The following FGFRL1 variants were observed in gnomAD, a reference collection of about 807,000 sequenced individuals.
FGFRL1 encodes fibroblast growth factor receptor-like 1.
A neutral mutation model predicts 36.8 loss-of-function variants in FGFRL1; 24 were observed. That is an observed-to-expected ratio of 0.65 (90% CI 0.47 to 0.92). The LOEUF (loss-of-function observed/expected upper bound fraction) is 0.92. Ranked by LOEUF, FGFRL1 falls within the 40% of genes least tolerant of loss-of-function variation. The pLI is 0.00. For synonymous variants in FGFRL1, 422 were observed against 344.1 expected, an observed-to-expected ratio of 1.23 and a Z score of -2.50; for missense variants, 785 against 753.4, an observed-to-expected ratio of 1.04 and a Z score of -0.49.
rs1262737200 is a variant in FGFRL1 at position 1,025,835 on chromosome 4, C to A, written c.*488C>A. 3 of 190,092 alleles carry A rather than the reference C, an allele frequency of 1.6e-5. No individual in the cohort carries two copies. The highest frequency in any genetic ancestry group is 2.1e-4 in the South Asian group (2 of 9,542). 11.8% of individuals were successfully genotyped at this position (190,092 alleles called of 1,614,324 possible). A position where few individuals can be genotyped will look rare whatever the true frequency, so the allele number is the denominator to read the frequency against. On this transcript the variant is annotated 3_prime_UTR_variant, in exon 7 of 7. Transcript: ENST00000510644. ...CTGCCTGGACACACAGATAATGCTG[C>A]CTTGACACACACATGCACGGATATT...
In FGFRL1 at chr4:1,025,089, G is replaced by A. The variant is rs754631527; in HGVS notation, c.1257G>A (p.Pro419=). 5.5e-5 allele frequency: 89 copies of A among 1,609,930 alleles called. 1 individual carries two copies. The highest frequency in any genetic ancestry group is 4.4e-4 in the South Asian group (40 of 90,872). Reference sequence around the variant, plus strand: ...CCCCTCCCCTGCCTGGGCACCGCCCGCCGGGGACGGCCCGCGACCGCAGCG... The same window carrying A: ...CCCCTCCCCTGCCTGGGCACCGCCCACCGGGGACGGCCCGCGACCGCAGCG... ...APAPPLPGHR[P]PGTARDRSGD... The change falls in exon 7 of 7, where the codon CCG becomes CCA. Residue 419 remains proline (P), a synonymous_variant. Coordinates refer to ENST00000510644, the MANE Select transcript of FGFRL1 (RefSeq NM_001004356.3).
chr4:1,019,847 T>C (rs1159265740), intron 2 of FGFRL1, among the ~76,000 whole-genome samples: 3 of 152,154 alleles, frequency 2.0e-5, no homozygotes, highest in Non-Finnish European at 4.4e-5. Context: ...GGCCAAGGAC[T>C]GGGATGGGCC....
upstream of FGFRL1, among the ~76,000 whole-genome samples, chr4:1,011,623 G>C (rs1302512442): frequency 7.0e-6 from 1 of 143,146 alleles, no homozygotes; most frequent in African/African-American, 2.5e-5. Context: ...CGCTCGCTCC[G>C]GGAGAGTTGA....
rs775168543 is a variant in FGFRL1 at position 1,025,290 on chromosome 4, TCA to T, written c.1466_1467del (p.His489LeufsTer62). 12 of 1,569,526 alleles carry T rather than the reference TCA, an allele frequency of 7.6e-6. No homozygotes were observed. Among genetic ancestry groups the T allele is most frequent in the African/African-American group, 4.1e-5 (3 of 73,324 alleles). ...TCCACACACACACACACACACACTC[TCA>T]CACACACTCACACGTGGAGGGCAAG... is the stretch of plus-strand genomic sequence containing the variant. ...DIHTHTHTHS[H>X]THSHVEGKVH... On this transcript the variant is annotated frameshift_variant, in exon 7 of 7. Coordinates refer to ENST00000510644, the MANE Select transcript of FGFRL1 (RefSeq NM_001004356.3). LOFTEE classifies it high-confidence loss of function.
chr4:1,019,344 C>A (rs772281386), intron 2 of FGFRL1, among the ~76,000 whole-genome samples: 99 of 152,328 alleles, frequency 6.5e-4, no homozygotes, highest in Non-Finnish European at 1.2e-3. Flanking sequence ...TTGTGTGCAC[C>A]CATGAACATG....
chr4:1,017,493 C>A (rs931652614), intron 2 of FGFRL1, among the ~76,000 whole-genome samples: 3 of 152,214 alleles, frequency 2.0e-5, no homozygotes, highest in Non-Finnish European at 4.4e-5. Context: ...AGTGAGTGCT[C>A]CTTCCTTGGG....
rs1716476150 is a variant in FGFRL1 at position 1,025,581 on chromosome 4, A to T, written c.*234A>T. The T allele has an allele frequency of 6.7e-6, 4 of 599,540 alleles. No homozygotes were observed. Among genetic ancestry groups the T allele is most frequent in the African/African-American group, 1.9e-5 (1 of 53,590 alleles). 37.1% of individuals were successfully genotyped at this position (599,540 alleles called of 1,614,324 possible). A position where few individuals can be genotyped will look rare whatever the true frequency, so the allele number is the denominator to read the frequency against. On this transcript the variant is annotated 3_prime_UTR_variant, in exon 7 of 7. Coordinates refer to ENST00000510644, the MANE Select transcript of FGFRL1 (RefSeq NM_001004356.3). ...ACACGTGCTCCCTGAAGGCACACGT[A>T]CGCACACACGCACATGCACAGATAT...
intron 2 of FGFRL1, among the ~76,000 whole-genome samples, chr4:1,019,741 G>A (rs1028242555): frequency 1.3e-5 from 2 of 152,344 alleles, no homozygotes; most frequent in Admixed American, 6.5e-5. Context: ...GGGAAGGAGG[G>A]GCTTCAGGGC....
chr4:1,022,583 G>T (rs548080993), intron 3 of FGFRL1, 108 bp downstream of exon 3: 3 of 1,393,834 alleles, frequency 2.2e-6, no homozygotes, highest in Non-Finnish European at 1.9e-6. Flanking sequence ...GCCAGCCCCC[G>T]GCAGAAAGCC....
intron 2 of FGFRL1, among the ~76,000 whole-genome samples, chr4:1,014,068 A>G (rs886954825): frequency 6.6e-6 from 1 of 152,198 alleles, no homozygotes; most frequent in East Asian, 1.9e-4. Context: ...GGTCCATCCA[A>G]GTGTGTTTCT....
chr4:1,011,494 G>GGCGGTGTGCGCGCGC, upstream of FGFRL1, among the ~76,000 whole-genome samples: 1 of 146,398 alleles, frequency 6.8e-6, no homozygotes, highest in East Asian at 2.0e-4. Context: ...GCGGGGCGGG[G>GGCGGTGTGCGCGCGC]GCGGTGTGCG....
Position 1,025,505 on chromosome 4 carries a change from A to G in FGFRL1, c.*158A>G. Reference sequence around the variant, plus strand: ...TGTGAGGCATAGCCCCTGGACACACACACACAGACACACACACTGCCTGGA... The same window carrying G: ...TGTGAGGCATAGCCCCTGGACACACGCACACAGACACACACACTGCCTGGA... On this transcript the variant is annotated 3_prime_UTR_variant, in exon 7 of 7. Transcript: ENST00000510644. 1 of 799,232 alleles carries G rather than the reference A, an allele frequency of 1.3e-6. No individual in the cohort carries two copies. Among genetic ancestry groups the G allele is most frequent in the Non-Finnish European group, 2.0e-6 (1 of 509,428 alleles). The allele number at this position is 799,232 out of a possible 1,614,324, so 49.5% of individuals were successfully genotyped here. A position where few individuals can be genotyped will look rare whatever the true frequency, so the allele number is the denominator to read the frequency against.
chr4:1,011,938 C>CTGAGCCCCCCGCCGAGG lies in FGFRL1; in HGVS notation c.-20_-17+13dup, dbSNP rs996540315. On this transcript the variant is annotated 5_prime_UTR_variant, in exon 1 of 7. Coordinates refer to ENST00000510644, the MANE Select transcript of FGFRL1 (RefSeq NM_001004356.3). ...CGGCCCTGACCCCGCCGCCCGCCCG[C>CTGAGCCCCCCGCCGAGG]TGAGCCCCCCGCCGAGGTGAGCCCC... is the stretch of plus-strand genomic sequence containing the variant. 6.9e-5 allele frequency: 10 copies of CTGAGCCCCCCGCCGAGG among 145,878 alleles called. No individual in the cohort carries two copies. Among genetic ancestry groups the CTGAGCCCCCCGCCGAGG allele is most frequent in the South Asian group, 2.1e-4 (1 of 4,794 alleles). 9.0% of individuals were successfully genotyped at this position (145,878 alleles called of 1,614,324 possible).
rs1038598118 is a variant in FGFRL1 at position 1,011,733 on chromosome 4, C to T, written c.-238C>T. On this transcript the variant is annotated 5_prime_UTR_variant, in exon 1 of 7. Coordinates refer to ENST00000510644, the MANE Select transcript of FGFRL1 (RefSeq NM_001004356.3). ...CCCGGCCCCCGGCCCCGCGGACTCG[C>T]CCCCGCCGCCTGCCCGGTCCGGGAC... 2 of 144,052 alleles carry T rather than the reference C, an allele frequency of 1.4e-5. No individual in the cohort carries two copies. Among genetic ancestry groups the T allele is most frequent in the African/African-American group, 2.5e-5 (1 of 40,006 alleles). The allele number at this position is 144,052 out of a possible 1,614,324, so 8.9% of individuals were successfully genotyped here.
Position 1,016,941 on chromosome 4 carries a change from G to T in FGFRL1, c.79+4377G>T, listed in dbSNP as rs1406904969. Among the ~76,000 whole-genome samples the T allele has an allele frequency of 2.0e-5, 3 of 152,158 alleles. No homozygotes were observed. In the South Asian group the frequency reaches 6.2e-4, roughly 31 times the overall value. On this transcript the variant is annotated intron_variant, in intron 2 of 6. Transcript: ENST00000510644. ...ACTCCTGCCCTGGGTGCCCCTGGGGGCCTGGCACAGCCACATAGCGGCCAT... is the reference window on the plus strand; with the variant it reads ...ACTCCTGCCCTGGGTGCCCCTGGGGTCCTGGCACAGCCACATAGCGGCCAT...
rs935417684 is a variant in FGFRL1 at position 1,024,299 on chromosome 4, A to G, written c.719-12A>G. 7.0e-6 allele frequency: 11 copies of G among 1,579,114 alleles called. No individual in the cohort carries two copies. Among genetic ancestry groups the G allele is most frequent in the Non-Finnish European group, 9.5e-6 (11 of 1,161,222 alleles). ...GGCCCAGGAGCCATGCCCGCGTGCC[A>G]CGTTCCCACAGAGCGGACCCGTTCC... On this transcript the variant is annotated splice_polypyrimidine_tract_variant and intron_variant, in intron 5 of 6. Transcript: ENST00000510644.
At position 1,024,041 on chromosome 4, in the gene FGFRL1, A is replaced by G. The variant is rs565792759; in HGVS notation, c.658A>G (p.Thr220Ala). Reference sequence around the variant, plus strand: ...GCGGCCGGAGGACAGCGGCAAATACACCTGCCGCGTGTCGAACCGCGCGGG... The same window carrying G: ...GCGGCCGGAGGACAGCGGCAAATACGCCTGCCGCGTGTCGAACCGCGCGGG... Reference protein sequence around the residue: ...NLRPEDSGKYTCRVSNRAGAI... With the variant: ...NLRPEDSGKYACRVSNRAGAI... The change falls in exon 5 of 7, where the codon ACC (threonine) becomes GCC (alanine). Residue 220 changes from threonine (T) to alanine (A), a missense_variant. By Grantham distance (58) the Thr-to-Ala change is moderately conservative. Coordinates refer to ENST00000510644, the MANE Select transcript of FGFRL1 (RefSeq NM_001004356.3). The G allele has an allele frequency of 6.2e-7, 1 of 1,605,024 alleles. No homozygotes were observed. The highest frequency in any genetic ancestry group is 1.1e-5 in the South Asian group (1 of 90,518).
chr4:1,021,535 C>A (rs184854002), intron 2 of FGFRL1, among the ~76,000 whole-genome samples: 5 of 152,164 alleles, frequency 3.3e-5, no homozygotes, highest in Admixed American at 3.3e-4. Context: ...ACCTGGGCAT[C>A]TGTGGTCCCT....
intron 3 of FGFRL1, among the ~76,000 whole-genome samples, chr4:1,022,951 C>G (rs1716278466): frequency 6.6e-6 from 1 of 152,116 alleles, no homozygotes; most frequent in Admixed American, 6.5e-5. Context: ...ACCCCGCCTG[C>G]TCCGCTGGGC....
Sources: gnomAD v4.1 joint callset for allele counts (sites outside exome capture counted in the v4.1 genomes callset) on GRCh38, gnomAD v4.1.1 for gene constraint, MANE v1.5 for transcripts, NCBI Gene and HGNC (gene_info 2026-07-23, HGNC 2026-07-21) for gene names.